The following PRLR variants were observed in gnomAD, a reference collection of about 807,000 sequenced individuals.
The protein encoded by PRLR is hPRL receptor.
A neutral mutation model predicts 40.2 loss-of-function variants in PRLR; 13 were observed. That is an observed-to-expected ratio of 0.32 (90% CI 0.21 to 0.51). PRLR has a LOEUF of 0.51. Among genes scored for constraint, PRLR ranks in the 20% least tolerant of loss-of-function variants. PRLR has a pLI of 0.97. For missense variants in PRLR, 656 were observed against 747.3 expected (o/e 0.88, Z 1.42); for synonymous variants, 269 against 278.7 (o/e 0.97, Z 0.35).
intron 1 of PRLR, among the ~76,000 whole-genome samples, chr5:35,127,413 T>G (rs1367943708): frequency 2.6e-5 from 4 of 152,358 alleles, no homozygotes; most frequent in Admixed American, 2.6e-4. Context: ...CTATCACCAT[T>G]ACATCATCCT....
intron 1 of PRLR, among the ~76,000 whole-genome samples, chr5:35,186,815 T>C (rs2111993988): frequency 6.6e-6 from 1 of 152,328 alleles, no homozygotes; most frequent in Non-Finnish European, 1.5e-5. Context: ...AAAGTAGTTA[T>C]AAGTGGTTAC....
chr5:35,128,187 C>T (rs1244261693), intron 1 of PRLR, among the ~76,000 whole-genome samples: 1 of 151,638 alleles, frequency 6.6e-6, no homozygotes, highest in African/African-American at 2.4e-5. Flanking sequence ...TACTAAAATC[C>T]ATTGAATTGT....
At chr5:35,119,382 T>TCACACA (rs1285946969) in intron 1 of PRLR, among the ~76,000 whole-genome samples, 7 of 139,916 alleles carry the variant, frequency 5.0e-5, no homozygotes, top group African/African-American at 1.9e-4. Flanking sequence ...TCTCTCTCTC[T>TCACACA]CTCTCACACA....
chr5:35,223,515 C>T (rs995836293), intron 1 of PRLR, among the ~76,000 whole-genome samples: 5 of 152,172 alleles, frequency 3.3e-5, no homozygotes, highest in East Asian at 3.9e-4. Context: ...CACGCACCCC[C>T]GAACCCATGT....
intron 1 of PRLR, among the ~76,000 whole-genome samples, chr5:35,202,921 G>A (rs1188554434): frequency 2.0e-5 from 3 of 152,170 alleles, no homozygotes; most frequent in Non-Finnish European, 4.4e-5. Context: ...GAAAATACCA[G>A]TGCAAATTCC....
intron 1 of PRLR, among the ~76,000 whole-genome samples, chr5:35,131,942 C>T (rs1054033447): frequency 2.0e-5 from 3 of 152,166 alleles, no homozygotes; most frequent in Non-Finnish European, 2.9e-5. Flanking sequence ...AGATACAGGA[C>T]AGACACAGAA....
intron 2 of PRLR, among the ~76,000 whole-genome samples, chr5:35,095,253 A>T (rs1771462703): frequency 6.6e-6 from 1 of 152,220 alleles, no homozygotes; most frequent in African/African-American, 2.4e-5. Flanking sequence ...GCTAAAGATT[A>T]AGACTGTTAT....
chr5:35,147,822 C>A (rs1774222889), intron 1 of PRLR, among the ~76,000 whole-genome samples: 1 of 151,924 alleles, frequency 6.6e-6, no homozygotes, highest in African/African-American at 2.4e-5. Flanking sequence ...ACAAAAAAAC[C>A]AATGATTTGT....
intron 3 of PRLR, among the ~76,000 whole-genome samples, chr5:35,087,140 A>T (rs112737074): frequency 0.015 from 2,348 of 152,030 alleles, 71 homozygotes; most frequent in African/African-American, 0.053. Flanking sequence ...ACAGGTGCAC[A>T]CCACCACACC....
chr5:35,108,075 C>G (rs1772389980), intron 2 of PRLR, among the ~76,000 whole-genome samples: 1 of 152,164 alleles, frequency 6.6e-6, no homozygotes, highest in Non-Finnish European at 1.5e-5. Context: ...CCAACATACA[C>G]AAATCAATAA....
At chr5:35,174,370 G>A (rs573847775) in intron 1 of PRLR, among the ~76,000 whole-genome samples, 6 of 152,278 alleles carry the variant, frequency 3.9e-5, no homozygotes, top group South Asian at 4.1e-4. Context: ...GATTACAGGC[G>A]TGAGCCACCA....
rs994295593 is a variant in PRLR at position 35,060,045 on chromosome 5, G to C, written c.*5044C>G. 1.3e-5 allele frequency: 2 copies of C among 152,162 alleles called. No individual in the cohort carries two copies. Among genetic ancestry groups the C allele is most frequent in the Non-Finnish European group, 2.9e-5 (2 of 68,030 alleles). 9.4% of individuals were successfully genotyped at this position (152,162 alleles called of 1,614,324 possible). ...GACTGGGTCTTACTATGTTGCGTAG[G>C]CTGGGCATGGATTTATTAATGGCTT... On this transcript the variant is annotated 3_prime_UTR_variant, in exon 10 of 10. Transcript: ENST00000618457.
At chr5:35,221,043 C>G (rs529535866) in intron 1 of PRLR, among the ~76,000 whole-genome samples, 1 of 152,208 alleles carries the variant, frequency 6.6e-6, no homozygotes, top group African/African-American at 2.4e-5. Context: ...CCAGCCTACT[C>G]TGATACTAAG....
intron 1 of PRLR, among the ~76,000 whole-genome samples, chr5:35,209,943 T>C (rs1776127677): frequency 6.6e-6 from 1 of 152,306 alleles, no homozygotes; most frequent in African/African-American, 2.4e-5. Context: ...ACGCACGAGA[T>C]CATGCCATCC....
intron 4 of PRLR, among the ~76,000 whole-genome samples, chr5:35,085,610 C>G (rs1286249367): frequency 6.6e-6 from 1 of 152,084 alleles, no homozygotes; most frequent in East Asian, 1.9e-4. Flanking sequence ...TCTTTATTTT[C>G]TTGAACATGA....
chr5:35,214,541 A>G (rs538214726), intron 1 of PRLR, among the ~76,000 whole-genome samples: 1 of 152,274 alleles, frequency 6.6e-6, no homozygotes, highest in African/African-American at 2.4e-5. Context: ...GCAGGCATTG[A>G]TTTCTCCATT....
At chr5:35,151,165 T>A (rs1305598264) in intron 1 of PRLR, among the ~76,000 whole-genome samples, 1 of 152,322 alleles carries the variant, frequency 6.6e-6, no homozygotes, top group Non-Finnish European at 1.5e-5. Flanking sequence ...GGCATGGCTA[T>A]GTGAGCCATC....
chr5:35,164,213 A>G (rs1333271028), intron 1 of PRLR, among the ~76,000 whole-genome samples: 1 of 152,242 alleles, frequency 6.6e-6, no homozygotes, highest in African/African-American at 2.4e-5. Context: ...CTATATAAAG[A>G]ATGGAAACTT....
Position 35,068,220 on chromosome 5 carries a change from A to C in PRLR, c.851T>G (p.Leu284Trp), listed in dbSNP as rs748942718. The part of the protein sequence containing the change: ...PKIKGFDAHL[L>W]EKGKSEELLS... ...TTTTTTGCCTCCTGTACTTACCTCCAACAGATGAGCATCAAATCCTTTTAT... is the reference window on the plus strand; with the variant it reads ...TTTTTTGCCTCCTGTACTTACCTCCCACAGATGAGCATCAAATCCTTTTAT... Residue 284 changes from leucine (L) to tryptophan (W), a missense_variant, in exon 9 of 10, where the codon TTG (leucine) becomes TGG (tryptophan). Coordinates refer to ENST00000618457, the MANE Select transcript of PRLR (RefSeq NM_000949.7). 2 of 1,611,470 alleles carry C rather than the reference A, an allele frequency of 1.2e-6. No individual in the cohort carries two copies. Among genetic ancestry groups the C allele is most frequent in the Non-Finnish European group, 1.7e-6 (2 of 1,177,578 alleles).
Sources: allele counts gnomAD v4.1 joint callset (sites outside exome capture counted in the v4.1 genomes callset), GRCh38; gene constraint gnomAD v4.1.1; transcripts MANE v1.5; gene names NCBI Gene and HGNC (gene_info 2026-07-23, HGNC 2026-07-21).